The following RBFOX1 variants were observed in gnomAD, a reference collection of about 807,000 sequenced individuals.
The protein encoded by RBFOX1 is RNA binding protein fox-1 homolog 1.
In RBFOX1, 8 loss-of-function variants were observed where a neutral mutation model predicts 57.7. The ratio of observed to expected loss-of-function variants is 0.14; its 90% CI spans 0.08 to 0.25. The LOEUF is 0.25. Ranked by LOEUF, RBFOX1 falls within the 10% of genes least tolerant of loss-of-function variation. The probability of loss-of-function intolerance (pLI) is 1.00; values close to 1 mark genes in which losing one functional copy is unlikely to be tolerated. For synonymous variants in RBFOX1, 326 were observed against 222.4 expected (o/e 1.47, Z -4.15); for missense variants, 611 against 548.5 (o/e 1.11, Z -1.14).
chr16:5,462,636 T>A (rs1361322307), intron 1 of RBFOX1, among the ~76,000 whole-genome samples: 1 of 152,182 alleles, frequency 6.6e-6, no homozygotes, highest in Non-Finnish European at 1.5e-5. Context: ...GAATTTTGGA[T>A]GCTGATCAGT....
At chr16:5,457,778 T>C (rs1303430511) in intron 1 of RBFOX1, among the ~76,000 whole-genome samples, 3 of 152,232 alleles carry the variant, frequency 2.0e-5, no homozygotes, top group South Asian at 2.1e-4. Flanking sequence ...CTGGTACTTA[T>C]TTTAATTGTT....
intron 3 of RBFOX1, among the ~76,000 whole-genome samples, chr16:7,004,767 C>T (rs1460625952): frequency 1.3e-5 from 2 of 152,276 alleles, no homozygotes; most frequent in African/African-American, 2.4e-5. Context: ...CAAGGATTGG[C>T]TGTACCAGAT....
chr16:7,467,830 T>C (rs1382178758), intron 4 of RBFOX1, among the ~76,000 whole-genome samples: 2 of 152,336 alleles, frequency 1.3e-5, no homozygotes, highest in African/African-American at 2.4e-5. Flanking sequence ...AGAGTCCTTC[T>C]TTGTTTCCTG....
intron 2 of RBFOX1, among the ~76,000 whole-genome samples, chr16:6,430,040 G>A (rs535111275): frequency 6.6e-6 from 1 of 152,110 alleles, no homozygotes; most frequent in East Asian, 1.9e-4. Flanking sequence ...CCCAGGTGGT[G>A]GAGGTTGTAG....
intron 14 of RBFOX1, among the ~76,000 whole-genome samples, chr16:7,695,987 C>T (rs1191726712): frequency 1.3e-5 from 2 of 152,176 alleles, no homozygotes; most frequent in Admixed American, 1.3e-4. Context: ...AGATGAAAAT[C>T]ATTAAGCAGT....
chr16:6,879,132 G>T (rs1037832486), intron 3 of RBFOX1, among the ~76,000 whole-genome samples: 1 of 152,182 alleles, frequency 6.6e-6, no homozygotes, highest in African/African-American at 2.4e-5. Context: ...CTTCATTTCA[G>T]CAGGACAGAC....
At position 5,508,171 on chromosome 16, in the gene RBFOX1, C is replaced by G. The variant is rs181715888; in HGVS notation, c.258+40917C>G. On this transcript the variant is annotated intron_variant, in intron 2 of 2. Transcript: ENST00000585867. ...AGTTTCTGTGTGCTGGGGGTCTGGA[C>G]GTGGTTTAGCTGCATCATCTGCTTC... is the stretch of plus-strand genomic sequence containing the variant. 3.3e-4 allele frequency among the ~76,000 whole-genome samples: 51 copies of G among 152,274 alleles called. No individual in the cohort carries two copies. In the South Asian group the frequency reaches 6.2e-3, roughly 19 times the overall value.
intron 4 of RBFOX1, among the ~76,000 whole-genome samples, chr16:7,080,058 A>AG (rs1567182698): frequency 7.4e-6 from 1 of 135,974 alleles, no homozygotes; most frequent in Non-Finnish European, 1.6e-5. Flanking sequence ...ATATATACAT[A>AG]TTATATATAT....
At chr16:5,813,269 C>A (rs2055500512) in intron 3 of RBFOX1, among the ~76,000 whole-genome samples, 1 of 152,160 alleles carries the variant, frequency 6.6e-6, no homozygotes, top group Non-Finnish European at 1.5e-5. Context: ...GCCTCCCAAA[C>A]CTTTAACCAT....
chr16:7,415,533 G>GTTTGAAACCCACCTGTCCACTTTTCTGGC (rs2098469908), intron 4 of RBFOX1, among the ~76,000 whole-genome samples: 2 of 152,202 alleles, frequency 1.3e-5, no homozygotes, highest in African/African-American at 2.4e-5. Context: ...TCCAAACTGG[G>GTTTGAAACCCACCTGTCCACTTTTCTGGC]TTTGAAACCC....
intron 2 of RBFOX1, among the ~76,000 whole-genome samples, chr16:6,602,262 C>T (rs2097862141): frequency 1.3e-5 from 2 of 152,120 alleles, no homozygotes; most frequent in African/African-American, 4.8e-5. Flanking sequence ...CTCTCCCATT[C>T]AGTGGGTTGC....
At chr16:6,852,245 T>C (rs1389016336) in intron 3 of RBFOX1, among the ~76,000 whole-genome samples, 3 of 152,206 alleles carry the variant, frequency 2.0e-5, no homozygotes, top group Non-Finnish European at 4.4e-5. Context: ...GCTACATGAC[T>C]GCAGTCTCTG....
chr16:6,553,408 G>GGA (rs1378541679), intron 2 of RBFOX1, among the ~76,000 whole-genome samples: 4 of 152,202 alleles, frequency 2.6e-5, no homozygotes, highest in African/African-American at 9.6e-5. Context: ...TGGATAGAAA[G>GGA]GAGAATGCTC....
intron 4 of RBFOX1, among the ~76,000 whole-genome samples, chr16:5,894,557 G>A (rs2058115895): frequency 6.6e-6 from 1 of 152,090 alleles, no homozygotes; most frequent in African/African-American, 2.4e-5. Flanking sequence ...TTACAGGAGT[G>A]AGCCACCATG....
chr16:6,525,913 G>A (rs1045391959), intron 2 of RBFOX1, among the ~76,000 whole-genome samples: 1 of 152,106 alleles, frequency 6.6e-6, no homozygotes, highest in African/African-American at 2.4e-5. Flanking sequence ...GGAAATGCCT[G>A]TGTCTGCTAC....
chr16:6,804,110 G>A (rs896195429), intron 3 of RBFOX1, among the ~76,000 whole-genome samples: 4 of 151,894 alleles, frequency 2.6e-5, no homozygotes, highest in African/African-American at 9.7e-5. Flanking sequence ...GGGTTCAAGT[G>A]ATTCTCCTTG....
At chr16:7,612,171 A>C (rs903396733) in intron 10 of RBFOX1, among the ~76,000 whole-genome samples, 16 of 151,870 alleles carry the variant, frequency 1.1e-4, no homozygotes, top group African/African-American at 3.9e-4. Flanking sequence ...AATACAAAAA[A>C]TTAGCCGGGC....
At chr16:6,522,121 G>A (rs991143502) in intron 2 of RBFOX1, among the ~76,000 whole-genome samples, 8 of 150,910 alleles carry the variant, frequency 5.3e-5, no homozygotes, top group Non-Finnish European at 1.2e-4. Context: ...CAAAGATTAT[G>A]CAGTATCTTT....
chr16:5,302,025 C>T (rs1441636577), intron 1 of RBFOX1, among the ~76,000 whole-genome samples: 1 of 151,808 alleles, frequency 6.6e-6, no homozygotes, highest in East Asian at 1.9e-4. Context: ...CTTTAGGTTC[C>T]AGTTTAGATC....
Sources: gnomAD v4.1 joint callset for allele counts (sites outside exome capture counted in the v4.1 genomes callset) on GRCh38, gnomAD v4.1.1 for gene constraint, MANE v1.5 for transcripts, NCBI Gene and HGNC (gene_info 2026-07-23, HGNC 2026-07-21) for gene names.